TEX36: variants seen among roughly 807,000 people sequenced by gnomAD.
TEX36 encodes the protein testis expressed 36.
In TEX36, 12 loss-of-function variants were observed where a neutral mutation model predicts 13.6. The ratio of observed to expected loss-of-function variants is 0.88; its 90% CI spans 0.56 to 1.43. The LOEUF (loss-of-function observed/expected upper bound fraction) is 1.43. Ranked by LOEUF, TEX36 falls within the 40% of genes most tolerant of loss-of-function variation. TEX36 has a pLI of 0.00. For missense variants in TEX36, 224 were observed against 228.3 expected (o/e 0.98, Z 0.12); for synonymous variants, 93 against 83.0 (o/e 1.12, Z -0.65).
chr10:125,577,361 G>A (rs565760753), intron 3 of TEX36, among the ~76,000 whole-genome samples: 3 of 152,286 alleles, frequency 2.0e-5, no homozygotes, highest in Non-Finnish European at 2.9e-5. Flanking sequence ...AGCCAGGCAT[G>A]TTGGCGCACG....
At chr10:125,636,383 T>TA (rs1846624174) in intron 3 of TEX36, among the ~76,000 whole-genome samples, 4 of 151,330 alleles carry the variant, frequency 2.6e-5, no homozygotes, top group African/African-American at 9.7e-5. Flanking sequence ...TTTTTTTTTT[T>TA]TTATATATTT....
chr10:125,603,239 T>C (rs568851775), intron 3 of TEX36, among the ~76,000 whole-genome samples: 2 of 152,202 alleles, frequency 1.3e-5, no homozygotes, highest in African/African-American at 2.4e-5. Flanking sequence ...CAGGAAGGGA[T>C]GGTTCCCTTA....
At chr10:125,671,731 G>C (rs1289219301) in intron 1 of TEX36, among the ~76,000 whole-genome samples, 2 of 152,218 alleles carry the variant, frequency 1.3e-5, no homozygotes, top group African/African-American at 4.8e-5. Flanking sequence ...TGTACCTCTG[G>C]TAGAATTCAG....
In TEX36 at chr10:125,633,804, T is replaced by C. The variant is rs145659625; in HGVS notation, c.265-12159A>G. ...ATCAGGAAATTAAACTTTTTATTTA[T>C]TGGTCTTTGACTTTCCCATAAATGG... On this transcript the variant is annotated intron_variant, in intron 3 of 3. Coordinates refer to the TEX36 transcript ENST00000526819. Among the ~76,000 whole-genome samples the C allele has an allele frequency of 4.2e-3, 646 of 152,308 alleles. 12 individuals are homozygous for C. Among genetic ancestry groups the C allele is most frequent in the African/African-American group, 0.015 (620 of 41,570 alleles).
intron 3 of TEX36, among the ~76,000 whole-genome samples, chr10:125,638,934 A>G (rs1846650959): frequency 6.6e-6 from 1 of 152,212 alleles, no homozygotes; most frequent in Non-Finnish European, 1.5e-5. Context: ...TTTCTATTAC[A>G]CTATTAATTC....
At chr10:125,601,609 T>C (rs1187777079) in intron 3 of TEX36, among the ~76,000 whole-genome samples, 1 of 152,194 alleles carries the variant, frequency 6.6e-6, no homozygotes, top group Non-Finnish European at 1.5e-5. Context: ...GCCAGCTTGG[T>C]TTAGAAAGTT....
chr10:125,657,853 G>A (rs995363424), intron 3 of TEX36, among the ~76,000 whole-genome samples: 1 of 152,060 alleles, frequency 6.6e-6, no homozygotes, highest in Non-Finnish European at 1.5e-5. Context: ...TTATTCTTGG[G>A]GAAAAGCTAC....
At chr10:125,637,308 C>CAA (rs758842533) in intron 3 of TEX36, among the ~76,000 whole-genome samples, 13 of 99,356 alleles carry the variant, frequency 1.3e-4, no homozygotes, top group East Asian at 2.8e-4. Context: ...GACCCTGTCT[C>CAA]AAAAAAAAAA....
chr10:125,616,182 T>G (rs1766071243), intron 3 of TEX36, among the ~76,000 whole-genome samples: 1 of 152,192 alleles, frequency 6.6e-6, no homozygotes, highest in Non-Finnish European at 1.5e-5. Flanking sequence ...CTTTTTTTCT[T>G]TTTTAGTCTT....
At chr10:125,605,354 G>A (rs1001459218) in intron 3 of TEX36, among the ~76,000 whole-genome samples, 1 of 152,110 alleles carries the variant, frequency 6.6e-6, no homozygotes, top group Non-Finnish European at 1.5e-5. Context: ...AATGTGGTCA[G>A]TTAATCTCCA....
chr10:125,631,876 C>A (rs2569919), intron 3 of TEX36, among the ~76,000 whole-genome samples: 3 of 152,026 alleles, frequency 2.0e-5, no homozygotes, highest in Non-Finnish European at 4.4e-5. Flanking sequence ...GCAGGGAGGA[C>A]GAACTTGGTC....
In TEX36 at chr10:125,655,723, C is replaced by T. The variant is rs1589776283; in HGVS notation, c.*177G>A. 2.4e-6 allele frequency: 3 copies of T among 1,276,104 alleles called. No homozygotes were observed. The highest frequency in any genetic ancestry group is 6.0e-5 in the East Asian group (2 of 33,390). The allele number at this position is 1,276,104 out of a possible 1,614,324, so 79.0% of individuals were successfully genotyped here. A position where few individuals can be genotyped will look rare whatever the true frequency, so the allele number is the denominator to read the frequency against. Reference sequence around the variant, plus strand: ...TGTGGCCATCTGAAAAGTTTATTTACACATGCGTATGTCATCACAAATTCA... The same window carrying T: ...TGTGGCCATCTGAAAAGTTTATTTATACATGCGTATGTCATCACAAATTCA... On this transcript the variant is annotated 3_prime_UTR_variant, in exon 4 of 4. Transcript: ENST00000368821.
chr10:125,629,933 C>T (rs903880204), intron 3 of TEX36, among the ~76,000 whole-genome samples: 1 of 152,084 alleles, frequency 6.6e-6, no homozygotes, highest in Non-Finnish European at 1.5e-5. Flanking sequence ...CTGAGAGGCC[C>T]TATTCCAGTA....
intron 3 of TEX36, among the ~76,000 whole-genome samples, chr10:125,609,709 G>A (rs1439570692): frequency 6.6e-6 from 1 of 152,224 alleles, no homozygotes; most frequent in East Asian, 1.9e-4. Flanking sequence ...AGAAAGAAAC[G>A]TCTGTTGTGG....
At chr10:125,645,526 G>A (rs1846757304) in intron 3 of TEX36, among the ~76,000 whole-genome samples, 1 of 152,154 alleles carries the variant, frequency 6.6e-6, no homozygotes, top group Admixed American at 6.5e-5. Flanking sequence ...ACCAGACGCA[G>A]CCCCTTGGCT....
intron 3 of TEX36, among the ~76,000 whole-genome samples, chr10:125,657,095 T>A: frequency 6.6e-6 from 1 of 152,140 alleles, no homozygotes; most frequent in East Asian, 1.9e-4. Flanking sequence ...CACAACTAGA[T>A]GAAAACTAAG....
downstream of TEX36, among the ~76,000 whole-genome samples, chr10:125,619,611 C>T (rs1589757845): frequency 2.0e-5 from 3 of 152,238 alleles, no homozygotes; most frequent in South Asian, 2.1e-4. Context: ...AGTGCAGTGG[C>T]GCTGTCTTGG....
chr10:125,664,210 G>C (rs925360055), intron 1 of TEX36, among the ~76,000 whole-genome samples: 1 of 152,102 alleles, frequency 6.6e-6, no homozygotes, highest in Non-Finnish European at 1.5e-5. Context: ...CATTTTGTAT[G>C]TGTACCATAT....
intron 3 of TEX36, among the ~76,000 whole-genome samples, chr10:125,644,636 G>C (rs1846740202): frequency 6.6e-6 from 1 of 152,178 alleles, no homozygotes; most frequent in Non-Finnish European, 1.5e-5. Flanking sequence ...TATGATATTT[G>C]TGGCACACAG....
Sources: allele counts gnomAD v4.1 joint callset (sites outside exome capture counted in the v4.1 genomes callset), GRCh38; gene constraint gnomAD v4.1.1; transcripts MANE v1.5; gene names NCBI Gene and HGNC (gene_info 2026-07-23, HGNC 2026-07-21).